The following ACACA variants were observed in gnomAD, a reference collection of about 807,000 sequenced individuals.
ACACA encodes the protein acetyl-CoA carboxylase alpha, also known as acetyl-CoA carboxylase 1.
In ACACA, 103 loss-of-function variants were observed where a neutral mutation model predicts 296.1. That is an observed-to-expected ratio of 0.35 (90% CI 0.30 to 0.41). ACACA has a LOEUF of 0.41. ACACA is among the 10% of genes least tolerant of loss of function. The pLI, the probability that ACACA is intolerant of heterozygous loss-of-function variation, is 1.00. For synonymous variants in ACACA, 953 were observed against 1,038.6 expected, an observed-to-expected ratio of 0.92 and a Z score of 1.58; for missense variants, 1,554 against 2,989.7, an observed-to-expected ratio of 0.52 and a Z score of 11.20.
At chr17:37,383,027 A>G (rs1190207431) in intron 1 of ACACA, among the ~76,000 whole-genome samples, 3 of 152,128 alleles carry the variant, frequency 2.0e-5, no homozygotes, top group African/African-American at 7.2e-5. Flanking sequence ...ATAGAGCGAG[A>G]CTCCATCTGA....
At chr17:37,201,044 A>C (rs531735366) in intron 33 of ACACA, among the ~76,000 whole-genome samples, 1 of 152,346 alleles carries the variant, frequency 6.6e-6, no homozygotes, top group African/African-American at 2.4e-5. Context: ...GGCATTTTTT[A>C]AAAACTCTCT....
At position 37,200,438 on chromosome 17, in the gene ACACA, C is replaced by T. The variant is rs1489651676; in HGVS notation, c.4102G>A (p.Val1368Ile). Reference protein sequence around the residue: ...DHGIRRLTFLVAQKDFRKQVN... With the variant: ...DHGIRRLTFLIAQKDFRKQVN... ...TCACATGTCAGTACCTTTTGTGCAA[C>T]CAGGAAAGTAAGGCGCCGGATCCCA... Residue 1368 changes from valine (V) to isoleucine (I), a missense_variant, in exon 34 of 56, where the codon GTT becomes ATT. Physicochemically the swap from Val to Ile is conservative, Grantham distance 29. Around this residue, in one of 16 missense-constraint regions of ACACA, gnomAD observed 179 missense variants for 283.2 expected, o/e 0.63. Coordinates refer to ENST00000616317, the MANE Select transcript of ACACA (RefSeq NM_198834.3). 1.2e-6 allele frequency: 2 copies of T among 1,612,542 alleles called. No individual in the cohort carries two copies. Among genetic ancestry groups the T allele is most frequent in the Admixed American group, 1.7e-5 (1 of 59,990 alleles).
In ACACA at chr17:37,358,153, C is replaced by T. The variant is rs1323317049; in HGVS notation, c.39-18303G>A. Among the ~76,000 whole-genome samples, 4 of 152,098 alleles carry T rather than the reference C, an allele frequency of 2.6e-5. No homozygotes were observed. In the East Asian group the frequency reaches 7.7e-4, roughly 29 times the overall value. ...ACTATTTCTCCTGAGCAGTTATATT[C>T]TTAAATGTCTCTATAGAACCCACAA... On this transcript the variant is annotated intron_variant, in intron 1 of 55. Coordinates refer to ENST00000616317, the MANE Select transcript of ACACA (RefSeq NM_198834.3).
intron 38 of ACACA, among the ~76,000 whole-genome samples, chr17:37,189,350 T>G (rs2077658399): frequency 6.6e-6 from 1 of 152,224 alleles, no homozygotes; most frequent in South Asian, 2.1e-4. Flanking sequence ...ATCTCAAGAA[T>G]ATCTTACATT....
intron 3 of ACACA, among the ~76,000 whole-genome samples, chr17:37,328,029 C>G (rs2047699098): frequency 6.6e-6 from 1 of 152,174 alleles, no homozygotes; most frequent in African/African-American, 2.4e-5. Context: ...TCCCTTTTCC[C>G]TGCCACTAAA....
chr17:37,133,305 C>A (rs569022586), intron 45 of ACACA, among the ~76,000 whole-genome samples: 2 of 152,300 alleles, frequency 1.3e-5, no homozygotes, highest in South Asian at 2.1e-4. Flanking sequence ...TCTTCAATGA[C>A]CACATGTTTG....
intron 16 of ACACA, among the ~76,000 whole-genome samples, chr17:37,249,883 G>A (rs955744056): frequency 4.6e-5 from 7 of 152,212 alleles, no homozygotes; most frequent in Admixed American, 4.6e-4. Context: ...GGAGATACTT[G>A]AATCATGGGG....
chr17:37,265,671 C>T (rs1470087948), intron 10 of ACACA, among the ~76,000 whole-genome samples: 1 of 152,106 alleles, frequency 6.6e-6, no homozygotes, highest in Non-Finnish European at 1.5e-5. Context: ...TAGGTACATG[C>T]TGTCAGATTC....
At chr17:37,292,673 T>C (rs1330687859) in intron 3 of ACACA, among the ~76,000 whole-genome samples, 1 of 152,188 alleles carries the variant, frequency 6.6e-6, no homozygotes, top group Non-Finnish European at 1.5e-5. Context: ...CTTGCCAACA[T>C]GGCAAAACCA....
intron 45 of ACACA, among the ~76,000 whole-genome samples, chr17:37,136,567 T>C (rs2075341683): frequency 6.6e-6 from 1 of 152,080 alleles, no homozygotes; most frequent in Admixed American, 6.6e-5. Context: ...GGCTGTGCCA[T>C]TTTGCATTCC....
chr17:37,338,895 G>A (rs2147310798), intron 2 of ACACA, among the ~76,000 whole-genome samples: 1 of 149,946 alleles, frequency 6.7e-6, no homozygotes, highest in East Asian at 2.0e-4. Flanking sequence ...TGCCGAGATT[G>A]CGCCACTGCA....
At chr17:37,185,396 C>A (rs2077487770) in intron 39 of ACACA, among the ~76,000 whole-genome samples, 1 of 105,738 alleles carries the variant, frequency 9.5e-6, no homozygotes, top group Non-Finnish European at 1.8e-5. Flanking sequence ...CCATGCCTGG[C>A]TATTTCTTTT....
At chr17:37,277,452 T>C (rs1464204052) in intron 6 of ACACA, among the ~76,000 whole-genome samples, 1 of 152,266 alleles carries the variant, frequency 6.6e-6, no homozygotes, top group African/African-American at 2.4e-5. Context: ...TCAATTACTA[T>C]GGCCACTCCA....
At position 37,283,271 on chromosome 17, in the gene ACACA, A is replaced by T. The variant is rs1360573618; in HGVS notation, c.606T>A (p.Asn202Lys). 1 of 1,614,042 alleles carries T rather than the reference A, an allele frequency of 6.2e-7. No individual in the cohort carries two copies. The highest frequency in any genetic ancestry group is 8.5e-7 in the Non-Finnish European group (1 of 1,180,012). ...TTCATAATGCTAATAACTCACCTGCATTGGCTTTAAGGTCTTCAGGTGTGA... is the reference window on the plus strand; with the variant it reads ...TTCATAATGCTAATAACTCACCTGCTTTGGCTTTAAGGTCTTCAGGTGTGA... Reference protein sequence around the residue: ...VMVTPEDLKANAEYIKMADHY... With the variant: ...VMVTPEDLKAKAEYIKMADHY... The change falls in exon 5 of 56, where the codon AAT (asparagine) becomes AAA (lysine). Residue 202 changes from asparagine (N) to lysine (K), a missense_variant. By Grantham distance (94) the Asn-to-Lys change is moderately conservative. This residue lies in a region of ACACA where 0 missense variants were observed against 18.0 expected (regional missense o/e 0.00). Transcript: ENST00000616317.
intron 11 of ACACA, among the ~76,000 whole-genome samples, chr17:37,262,016 A>G (rs1012949093): frequency 7.2e-5 from 11 of 152,180 alleles, no homozygotes; most frequent in Admixed American, 2.6e-4. Context: ...ACCTCCAGTA[A>G]TAACCCATCC....
intron 41 of ACACA, among the ~76,000 whole-genome samples, chr17:37,168,656 T>C (rs1286389603): frequency 6.6e-6 from 1 of 152,138 alleles, no homozygotes; most frequent in African/African-American, 2.4e-5. Context: ...GAGATAAATG[T>C]ATGAAAATTA....
chr17:37,351,307 CA>C (rs1334412631), intron 1 of ACACA, among the ~76,000 whole-genome samples: 1 of 151,472 alleles, frequency 6.6e-6, no homozygotes, highest in Non-Finnish European at 1.5e-5. Flanking sequence ...ACTAAAAATA[CA>C]AAAAATTAGC....
chr17:37,112,595 G>T (rs561825104), intron 51 of ACACA, among the ~76,000 whole-genome samples: 1 of 152,254 alleles, frequency 6.6e-6, no homozygotes, highest in Non-Finnish European at 1.5e-5. Flanking sequence ...CCTAAGTACA[G>T]AATGTAAATA....
At chr17:37,183,568 C>A (rs1445110924) in intron 39 of ACACA, among the ~76,000 whole-genome samples, 1 of 152,056 alleles carries the variant, frequency 6.6e-6, no homozygotes. Context: ...GTGGCTCACG[C>A]CTGCAATCCC....
Sources: allele counts gnomAD v4.1 joint callset (sites outside exome capture counted in the v4.1 genomes callset), GRCh38; gene constraint gnomAD v4.1.1; regional missense constraint gnomAD v4.1.1; transcripts MANE v1.5; gene names NCBI Gene and HGNC (gene_info 2026-07-23, HGNC 2026-07-21).